HNF4A: variants seen among roughly 807,000 people sequenced by gnomAD.
The protein encoded by HNF4A is hepatocyte nuclear factor 4-alpha.
In HNF4A, 15 loss-of-function variants were observed where a neutral mutation model predicts 52.4. The observed-to-expected ratio is 0.29, with a 90% CI of 0.19 to 0.44. The LOEUF is 0.44. HNF4A is among the 20% of genes least tolerant of loss of function. The pLI, the probability that HNF4A is intolerant of heterozygous loss-of-function variation, is 1.00. For missense variants in HNF4A, 479 were observed against 647.2 expected (o/e 0.74, Z 2.82); for synonymous variants, 280 against 264.4 (o/e 1.06, Z -0.57).
intron 1 of HNF4A, chr20:44,402,628 C>G: frequency 7.3e-7 from 1 of 1,363,162 alleles, no homozygotes; most frequent in Non-Finnish European, 9.8e-7. Flanking sequence ...GAGGGGTGGA[C>G]AGTTCTCCAC....
At chr20:44,363,366 T>C (rs1298811850) in intron 1 of HNF4A, among the ~76,000 whole-genome samples, 2 of 152,194 alleles carry the variant, frequency 1.3e-5, no homozygotes, top group African/African-American at 4.8e-5. Context: ...GGATGCTTAC[T>C]AGGTGTTAGC....
At chr20:44,363,234 G>GT in intron 1 of HNF4A, among the ~76,000 whole-genome samples, 1 of 152,222 alleles carries the variant, frequency 6.6e-6, no homozygotes, top group East Asian at 1.9e-4. Flanking sequence ...CAGGGTTGTT[G>GT]TGAGACATAA....
rs1007143126 is a variant in HNF4A, at chr20:44,431,680, T to C, written c.*2015T>C. ...TTCTGGAAAATGCCACTGACCAGTG[T>C]GAACAAAAGGGATGTGTTATGGGGC... On this transcript the variant is annotated 3_prime_UTR_variant, in exon 10 of 10. Coordinates refer to ENST00000316099, the MANE Select transcript of HNF4A (RefSeq NM_000457.6). The C allele has an allele frequency of 6.6e-6, 1 of 152,086 alleles. No homozygotes were observed. Among genetic ancestry groups the C allele is most frequent in the South Asian group, 2.1e-4 (1 of 4,812 alleles). The allele number at this position is 152,086 out of a possible 1,614,324, so 9.4% of individuals were successfully genotyped here.
chr20:44,377,057 G>T (rs959743690), intron 1 of HNF4A, among the ~76,000 whole-genome samples: 38 of 151,854 alleles, frequency 2.5e-4, no homozygotes, highest in African/African-American at 8.7e-4. Context: ...AAATAAAAAA[G>T]AAATAAAATA....
intron 1 of HNF4A, among the ~76,000 whole-genome samples, chr20:44,362,270 AT>A (rs1432317000): frequency 6.6e-6 from 1 of 151,888 alleles, no homozygotes; most frequent in East Asian, 1.9e-4. Context: ...GCATACAAAA[AT>A]TAGCTGGACG....
intron 3 of HNF4A, chr20:44,407,989 G>A (rs539939892): frequency 1.6e-4 from 37 of 224,758 alleles, no homozygotes; most frequent in African/African-American, 8.3e-4. Flanking sequence ...TCACATTCTA[G>A]AAAATGGGAA....
At chr20:44,414,101 G>T (rs1036565554) in intron 4 of HNF4A, among the ~76,000 whole-genome samples, 24 of 152,244 alleles carry the variant, frequency 1.6e-4, no homozygotes, top group Non-Finnish European at 1.6e-4. Context: ...CAGAGCAGTG[G>T]CTCAGTGGAG....
chr20:44,410,791 C>T (rs1390258520), intron 3 of HNF4A, among the ~76,000 whole-genome samples: 2 of 151,990 alleles, frequency 1.3e-5, no homozygotes, highest in Non-Finnish European at 2.9e-5. Context: ...AGGTCTAGAA[C>T]TCAGGCTCCC....
intron 1 of HNF4A, among the ~76,000 whole-genome samples, chr20:44,371,389 T>C (rs2063032382): frequency 6.6e-6 from 1 of 152,176 alleles, no homozygotes; most frequent in Admixed American, 6.5e-5. Flanking sequence ...GTAATTCTCC[T>C]GCCTCAGCCT....
chr20:44,380,651 A>G (rs767468266), intron 1 of HNF4A, among the ~76,000 whole-genome samples: 2 of 152,258 alleles, frequency 1.3e-5, no homozygotes, highest in South Asian at 4.1e-4. Flanking sequence ...AGTTCTTTAT[A>G]TATTTCGGAC....
intron 5 of HNF4A, among the ~76,000 whole-genome samples, chr20:44,416,553 A>T (rs928335226): frequency 6.6e-6 from 1 of 152,216 alleles, no homozygotes; most frequent in East Asian, 1.9e-4. Context: ...GCCTCCCTCC[A>T]TACTGGTCAT....
intron 1 of HNF4A, among the ~76,000 whole-genome samples, chr20:44,371,654 A>T (rs898737760): frequency 6.6e-6 from 1 of 152,058 alleles, no homozygotes; most frequent in Admixed American, 6.6e-5. Flanking sequence ...GGGAAATCCC[A>T]TCTCTACTAA....
In HNF4A at chr20:44,386,585, A is replaced by C. The variant is rs1600671274; in HGVS notation, c.50-19473A>C. Among the ~76,000 whole-genome samples the C allele has an allele frequency of 2.0e-5, 3 of 152,330 alleles. No homozygotes were observed. The East Asian group carries it at 5.8e-4, about 29-fold the overall frequency. On this transcript the variant is annotated intron_variant, in intron 1 of 9. Transcript: ENST00000316673. Reference sequence around the variant, plus strand: ...GTAGAAGCCCAGCACAGTGGTTCTCAGTGGAGATAATTTCAACCCCCAAGG... The same window carrying C: ...GTAGAAGCCCAGCACAGTGGTTCTCCGTGGAGATAATTTCAACCCCCAAGG...
chr20:44,419,714 C>A lies in HNF4A; in HGVS notation c.737-7C>A. On this transcript the variant is annotated splice_region_variant and splice_polypyrimidine_tract_variant and intron_variant, in intron 6 of 9. Coordinates refer to ENST00000316099, the MANE Select transcript of HNF4A (RefSeq NM_000457.6). Reference sequence around the variant, plus strand: ...TTCCCATCCTCCCTCCCTCCCAACCCTTCCAGGCAATGACTACATTGTCCC... The same window carrying A: ...TTCCCATCCTCCCTCCCTCCCAACCATTCCAGGCAATGACTACATTGTCCC... 1 of 1,613,212 alleles carries A rather than the reference C, an allele frequency of 6.2e-7. No homozygotes were observed. The highest frequency in any genetic ancestry group is 1.1e-5 in the South Asian group (1 of 91,040).
intron 1 of HNF4A, among the ~76,000 whole-genome samples, chr20:44,405,111 GTGTGCGTGTGTGTGGAC>G (rs2063482195): frequency 5.7e-5 from 1 of 17,618 alleles, no homozygotes; most frequent in African/African-American, 2.1e-4. Context: ...TGCGTAGCGT[GTGTGCGTGTGTGTGGAC>G]TGTGTGGCAC....
In HNF4A at chr20:44,370,112, C is replaced by T. The variant is rs551287129; in HGVS notation, c.49+14259C>T. Reference sequence around the variant, plus strand: ...CGCGATCTCGGCTCACTGCAAGCTCCGCCTCCCGGGTTCACGCCATTCTCC... The same window carrying T: ...CGCGATCTCGGCTCACTGCAAGCTCTGCCTCCCGGGTTCACGCCATTCTCC... On this transcript the variant is annotated intron_variant, in intron 1 of 9. Coordinates refer to the HNF4A transcript ENST00000316673. Among the ~76,000 whole-genome samples, 83 of 152,258 alleles carry T rather than the reference C, an allele frequency of 5.5e-4. 1 individual carries two copies. The highest frequency in any genetic ancestry group is 6.8e-3 in the Middle Eastern group (2 of 294).
chr20:44,379,385 A>G (rs547961155), intron 1 of HNF4A, among the ~76,000 whole-genome samples: 1 of 152,176 alleles, frequency 6.6e-6, no homozygotes, highest in East Asian at 1.9e-4. Context: ...TGCTTGCCAC[A>G]GAAGCTGCAC....
At chr20:44,358,531 A>C (rs1384662392) in intron 1 of HNF4A, among the ~76,000 whole-genome samples, 1 of 152,180 alleles carries the variant, frequency 6.6e-6, no homozygotes, top group African/African-American at 2.4e-5. Flanking sequence ...ACTCACTTGA[A>C]CCTGGGAGGT....
chr20:44,376,405 T>C (rs2146225910), intron 1 of HNF4A, among the ~76,000 whole-genome samples: 1 of 152,324 alleles, frequency 6.6e-6, no homozygotes, highest in East Asian at 1.9e-4. Context: ...AGGAAGATGG[T>C]TGACTTTTTT....
Sources: gnomAD v4.1 joint callset for allele counts (sites outside exome capture counted in the v4.1 genomes callset) on GRCh38, gnomAD v4.1.1 for gene constraint, MANE v1.5 for transcripts, NCBI Gene and HGNC (gene_info 2026-07-23, HGNC 2026-07-21) for gene names.